The following ITPRID1 variants were observed in gnomAD, a reference collection of about 807,000 sequenced individuals.
ITPRID1 encodes the protein protein ITPRID1.
A neutral mutation model predicts 95.4 loss-of-function variants in ITPRID1; 96 were observed. The observed-to-expected ratio is 1.01, with a 90% CI of 0.85 to 1.19. ITPRID1 has a LOEUF of 1.19. ITPRID1 is among the 50% of genes most tolerant of loss of function. The pLI, the probability that ITPRID1 is intolerant of heterozygous loss-of-function variation, is 0.00. For missense variants in ITPRID1, 1,339 were observed against 1,252.9 expected (o/e 1.07, Z -1.04); for synonymous variants, 510 against 453.6 (o/e 1.12, Z -1.58).
chr7:31,533,652 A>G (rs1783670501), intron 1 of ITPRID1, among the ~76,000 whole-genome samples: 1 of 152,026 alleles, frequency 6.6e-6, no homozygotes, highest in Non-Finnish European at 1.5e-5. Context: ...ACATTTTGAT[A>G]TGTTATATTT....
chr7:31,574,735 C>A lies in ITPRID1; in HGVS notation c.591C>A (p.Asn197Lys). ...QKQRMDIENPNLYGRFRQLEI... is the reference protein window; with the variant it reads ...QKQRMDIENPKLYGRFRQLEI... ...AGCGAATGGACATTGAGAACCCCAACTTGTACGGTAAGCGAGGTGCCTGTG... is the reference window on the plus strand; with the variant it reads ...AGCGAATGGACATTGAGAACCCCAAATTGTACGGTAAGCGAGGTGCCTGTG... The change falls in exon 8 of 15, where the codon AAC becomes AAA. Residue 197 changes from asparagine to lysine, a missense_variant. Physicochemically the swap from Asn to Lys is moderately conservative, Grantham distance 94 (BLOSUM62 0). Coordinates refer to ENST00000615280, the MANE Select transcript of ITPRID1 (RefSeq NM_001257967.3). 1 of 1,613,698 alleles carries A rather than the reference C, an allele frequency of 6.2e-7. No individual in the cohort carries two copies. The highest frequency in any genetic ancestry group is 8.5e-7 in the Non-Finnish European group (1 of 1,179,722).
At chr7:31,529,822 T>A in intron 1 of ITPRID1, 1 of 1,534,712 alleles carries the variant, frequency 6.5e-7, no homozygotes, top group Non-Finnish European at 8.7e-7. Context: ...TCCTTTATTC[T>A]GGTACAGTAA....
At chr7:31,607,372 G>T (rs1228710520) in intron 10 of ITPRID1, among the ~76,000 whole-genome samples, 1 of 152,116 alleles carries the variant, frequency 6.6e-6, no homozygotes, top group Non-Finnish European at 1.5e-5. Context: ...AATAAGGAAA[G>T]GAGGCAAACT....
intron 10 of ITPRID1, among the ~76,000 whole-genome samples, chr7:31,599,642 TTTCTTTTTCTTTCTTTC>T (rs879340130): frequency 0.027 from 1,467 of 53,872 alleles, 58 homozygotes; most frequent in Middle Eastern, 0.034. Context: ...TCTTTCTTTC[TTTCTTTTTCTTTCTTTC>T]CTTTCTCTCT....
At chr7:31,536,101 A>G (rs1300819863) in intron 1 of ITPRID1, among the ~76,000 whole-genome samples, 1 of 152,144 alleles carries the variant, frequency 6.6e-6, no homozygotes. Flanking sequence ...TGGGGCTTCA[A>G]AAATACGGAC....
At chr7:31,598,548 C>T (rs890752243) in intron 10 of ITPRID1, among the ~76,000 whole-genome samples, 1 of 151,452 alleles carries the variant, frequency 6.6e-6, no homozygotes, top group Non-Finnish European at 1.5e-5. Flanking sequence ...GGACTACAGG[C>T]GCCCGCTACC....
At chr7:31,572,247 C>A (rs998348606) in intron 7 of ITPRID1, 59 bp downstream of exon 7, 5 of 1,106,990 alleles carry the variant, frequency 4.5e-6, no homozygotes, top group Non-Finnish European at 6.7e-6. Flanking sequence ...CAATGGATTT[C>A]ATGAAATTAT....
intron 10 of ITPRID1, among the ~76,000 whole-genome samples, chr7:31,586,389 G>C (rs183669901): frequency 7.2e-5 from 11 of 151,788 alleles, no homozygotes; most frequent in South Asian, 4.2e-4. Context: ...GGTATTTGTA[G>C]TTCTAGATCC....
At chr7:31,591,777 A>G (rs374349513) in intron 10 of ITPRID1, among the ~76,000 whole-genome samples, 1 of 152,186 alleles carries the variant, frequency 6.6e-6, no homozygotes, top group East Asian at 1.9e-4. Flanking sequence ...TTTCCATGAC[A>G]CAGTATTTTG....
intron 10 of ITPRID1, among the ~76,000 whole-genome samples, chr7:31,630,711 T>C (rs1788915091): frequency 6.6e-6 from 1 of 152,080 alleles, no homozygotes; most frequent in Non-Finnish European, 1.5e-5. Context: ...ATAGATGGAA[T>C]AAATGAACCT....
intron 6 of ITPRID1, 76 bp from the exon 7 acceptor site, chr7:31,572,026 G>A: frequency 1.1e-6 from 1 of 917,990 alleles, no homozygotes; most frequent in Non-Finnish European, 1.7e-6. Context: ...TGCTCTGGAA[G>A]GAAAAGATTC....
rs1433805109 is a variant in ITPRID1, at chr7:31,655,832, A to G, written c.*3003A>G. On this transcript the variant is annotated 3_prime_UTR_variant, in exon 15 of 15. Coordinates refer to ENST00000615280, the MANE Select transcript of ITPRID1 (RefSeq NM_001257967.3). The stretch of plus-strand genomic sequence containing the variant: ...CCATGTAGACTCCGAGCTCTCCTGC[A>G]GTTTCTTCCTTGCTCCTTCCCTGTA... 2.0e-6 allele frequency: 2 copies of G among 985,444 alleles called. No homozygotes were observed. Among genetic ancestry groups the G allele is most frequent in the Non-Finnish European group, 2.4e-6 (2 of 830,022 alleles). The allele number at this position is 985,444 out of a possible 1,614,324, so 61.0% of individuals were successfully genotyped here.
intron 1 of ITPRID1, among the ~76,000 whole-genome samples, chr7:31,532,398 A>C (rs192699396): frequency 6.6e-6 from 1 of 152,342 alleles, no homozygotes; most frequent in East Asian, 1.9e-4. Context: ...GGTTGAATAG[A>C]AATGATGAGA....
At chr7:31,585,277 A>G (rs1025919607) in intron 10 of ITPRID1, among the ~76,000 whole-genome samples, 6 of 152,326 alleles carry the variant, frequency 3.9e-5, no homozygotes, top group African/African-American at 1.4e-4. Context: ...AAAAACCAGT[A>G]GTAAGACTGT....
Position 31,649,970 on chromosome 7 carries a change from G to A in ITPRID1, c.2584-1172G>A, listed in dbSNP as rs192685305. Among the ~76,000 whole-genome samples the A allele has an allele frequency of 4.5e-4, 68 of 152,228 alleles. No homozygotes were observed. In the East Asian group the frequency reaches 9.5e-3, roughly 21 times the overall value. On this transcript the variant is annotated intron_variant, in intron 12 of 14. Transcript: ENST00000615280. ...AGAATAAGGGAGGGTGAAGAGTAGG[G>A]GCTCAGTAGAGTCAGAAAAGTGAAA...
chr7:31,565,957 C>A (rs1784786537), intron 5 of ITPRID1, among the ~76,000 whole-genome samples: 1 of 152,130 alleles, frequency 6.6e-6, no homozygotes, highest in Admixed American at 6.5e-5. Context: ...TGTCATCAGA[C>A]CATGACCCAA....
chr7:31,564,680 G>A (rs1336534593), intron 5 of ITPRID1, among the ~76,000 whole-genome samples: 1 of 152,118 alleles, frequency 6.6e-6, no homozygotes, highest in Non-Finnish European at 1.5e-5. Flanking sequence ...TCCTGTGATG[G>A]CATTCCCTAG....
At chr7:31,552,753 C>T (rs554727818) in intron 2 of ITPRID1, among the ~76,000 whole-genome samples, 35 of 152,288 alleles carry the variant, frequency 2.3e-4, no homozygotes, top group East Asian at 1.2e-3. Flanking sequence ...GTGCAGAGTG[C>T]GCATGTGGTC....
intron 8 of ITPRID1, 71 bp downstream of exon 8, chr7:31,574,813 C>A (rs1029078727): frequency 2.2e-6 from 3 of 1,365,158 alleles, no homozygotes; most frequent in Admixed American, 1.8e-5. Flanking sequence ...ACAGTGTAGG[C>A]GAGGAGATTG....
Sources: allele counts gnomAD v4.1 joint callset (sites outside exome capture counted in the v4.1 genomes callset), GRCh38; gene constraint gnomAD v4.1.1; transcripts MANE v1.5; gene names NCBI Gene and HGNC (gene_info 2026-07-23, HGNC 2026-07-21).